The following ITPR2 variants were observed in gnomAD, a reference collection of about 807,000 sequenced individuals.
ITPR2 encodes inositol 1,4,5-trisphosphate-gated calcium channel ITPR2.
A neutral mutation model predicts 317.1 loss-of-function variants in ITPR2; 207 were observed. That is an observed-to-expected ratio of 0.65 (90% CI 0.58 to 0.73). The LOEUF (loss-of-function observed/expected upper bound fraction) is 0.73. Ranked by LOEUF, ITPR2 falls within the 30% of genes least tolerant of loss-of-function variation. ITPR2 has a pLI of 0.00. For missense variants in ITPR2, 2,613 were observed against 3,284.0 expected, an observed-to-expected ratio of 0.80 and a Z score of 4.99; for synonymous variants, 1,156 against 1,149.1, an observed-to-expected ratio of 1.01 and a Z score of -0.12.
chr12:26,540,996 C>T (rs1014506804), intron 37 of ITPR2, among the ~76,000 whole-genome samples: 8 of 151,872 alleles, frequency 5.3e-5, no homozygotes, highest in South Asian at 4.2e-4. Flanking sequence ...AACCACTTAG[C>T]GACATAGCAC....
intron 49 of ITPR2, among the ~76,000 whole-genome samples, chr12:26,427,712 T>TG (rs1941102655): frequency 1.3e-5 from 2 of 152,154 alleles, no homozygotes; most frequent in South Asian, 4.1e-4. Context: ...ACTTCTTAAA[T>TG]ATAGCAATCT....
At chr12:26,832,458 G>T (rs1951129558) in intron 1 of ITPR2, among the ~76,000 whole-genome samples, 1 of 152,256 alleles carries the variant, frequency 6.6e-6, no homozygotes, top group Non-Finnish European at 1.5e-5. Context: ...CCTTTCTGAT[G>T]TGTCTCTGAG....
At chr12:26,456,609 A>G (rs1437317996) in intron 45 of ITPR2, among the ~76,000 whole-genome samples, 3 of 152,160 alleles carry the variant, frequency 2.0e-5, no homozygotes, top group African/African-American at 7.2e-5. Flanking sequence ...ACTTGCCCCA[A>G]ATTCTTTCTT....
Position 26,617,765 on chromosome 12 carries a change from A to G in ITPR2, c.3462+3358T>C, listed in dbSNP as rs1172791900. On this transcript the variant is annotated intron_variant, in intron 26 of 56. Transcript: ENST00000381340. Reference sequence around the variant, plus strand: ...GAAGGAAGGACAGAAGGAGGGAGGGAGGGAAGGAAGGAGGGAAGGAAAGAG... The same window carrying G: ...GAAGGAAGGACAGAAGGAGGGAGGGGGGGAAGGAAGGAGGGAAGGAAAGAG... Among the ~76,000 whole-genome samples, 10 of 145,976 alleles carry G rather than the reference A, an allele frequency of 6.9e-5. No homozygotes were observed. The East Asian group carries it at 2.1e-3, about 31-fold the overall frequency.
intron 15 of ITPR2, among the ~76,000 whole-genome samples, 192 bp from the exon 16 acceptor site, chr12:26,659,477 C>T (rs934158633): frequency 9.9e-5 from 15 of 152,014 alleles, no homozygotes; most frequent in South Asian, 2.1e-4. Context: ...CTGGCATATA[C>T]GTTTTTGAAC....
intron 49 of ITPR2, chr12:26,421,347 G>C (rs1430059918): frequency 6.6e-6 from 1 of 152,144 alleles, no homozygotes; most frequent in Non-Finnish European, 1.5e-5. Context: ...TCTTGACGTG[G>C]AGTGGAGTTG....
intron 54 of ITPR2, 123 bp from the exon 55 acceptor site, chr12:26,387,717 T>A: frequency 1.2e-6 from 1 of 818,184 alleles, no homozygotes; most frequent in Non-Finnish European, 1.9e-6. Context: ...TGTGCCAATT[T>A]AAAATGCTAT....
At chr12:26,545,392 T>C (rs934565029) in intron 37 of ITPR2, among the ~76,000 whole-genome samples, 2 of 151,530 alleles carry the variant, frequency 1.3e-5, no homozygotes, top group African/African-American at 4.9e-5. Flanking sequence ...GGGCGGGAAA[T>C]AGGGAGTGGA....
intron 52 of ITPR2, among the ~76,000 whole-genome samples, chr12:26,408,940 G>T (rs1201264910): frequency 1.3e-5 from 2 of 152,088 alleles, no homozygotes; most frequent in Admixed American, 1.3e-4. Context: ...AATTAAAAGA[G>T]AAATAAATAC....
intron 4 of ITPR2, among the ~76,000 whole-genome samples, chr12:26,723,854 T>C (rs1400133929): frequency 1.3e-5 from 2 of 152,160 alleles, no homozygotes; most frequent in African/African-American, 4.8e-5. Flanking sequence ...CTGGGAACAG[T>C]TGTGCTTCTA....
At chr12:26,704,092 C>CG (rs1208117780) in intron 9 of ITPR2, among the ~76,000 whole-genome samples, 3 of 152,208 alleles carry the variant, frequency 2.0e-5, no homozygotes, top group African/African-American at 7.2e-5. Context: ...TCAATGAACT[C>CG]TAACTGCGCT....
chr12:26,579,067 T>C (rs1945336839), intron 33 of ITPR2, among the ~76,000 whole-genome samples: 1 of 152,188 alleles, frequency 6.6e-6, no homozygotes, highest in Non-Finnish European at 1.5e-5. Flanking sequence ...ATTATATTCT[T>C]AATCAGAAAA....
chr12:26,784,578 G>T (rs1186419855), intron 2 of ITPR2, among the ~76,000 whole-genome samples: 1 of 151,622 alleles, frequency 6.6e-6, no homozygotes, highest in Non-Finnish European at 1.5e-5. Context: ...TCCTAACCGC[G>T]AGTGATCCGC....
chr12:26,391,594 T>C (rs1939850705), intron 54 of ITPR2, among the ~76,000 whole-genome samples: 1 of 139,022 alleles, frequency 7.2e-6, no homozygotes, highest in Non-Finnish European at 1.5e-5. Flanking sequence ...TGACAGAGTC[T>C]TGCTCTGTCA....
intron 21 of ITPR2, among the ~76,000 whole-genome samples, chr12:26,649,730 T>C (rs1476846429): frequency 6.6e-6 from 1 of 152,064 alleles, no homozygotes; most frequent in African/African-American, 2.4e-5. Context: ...TGACCTACTT[T>C]ATTTTTCTTC....
chr12:26,817,565 T>G (rs7975263), intron 1 of ITPR2, among the ~76,000 whole-genome samples: 6,897 of 152,296 alleles, frequency 0.045, 432 homozygotes, highest in African/African-American at 0.14. Flanking sequence ...CTTTTTCTAT[T>G]CCTCCTTTTT....
At chr12:26,776,269 T>TG (rs529388549) in intron 2 of ITPR2, among the ~76,000 whole-genome samples, 2,874 of 152,240 alleles carry the variant, frequency 0.019, 33 homozygotes, top group South Asian at 0.033. Context: ...TGATTATATG[T>TG]GGAGAACCAA....
rs3064577 is a variant in ITPR2 at position 26,772,423 on chromosome 12, T to TTATATATATAA, written c.163+17733_163+17734insTTATATATATA. ...TATATAATATACACATTTATATATA[T>TTATATATATAA]TATATATAATACATGTATTATATAT... is the stretch of plus-strand genomic sequence containing the variant. On this transcript the variant is annotated intron_variant, in intron 2 of 56. Coordinates refer to ENST00000381340, the MANE Select transcript of ITPR2 (RefSeq NM_002223.4). Among the ~76,000 whole-genome samples the TTATATATATAA allele has an allele frequency of 1.6e-4, 15 of 93,962 alleles. 1 individual carries two copies. The highest frequency in any genetic ancestry group is 3.7e-4 in the Non-Finnish European group (15 of 40,438). The allele number at this position is 93,962 out of a possible 152,430, so 61.6% of individuals were successfully genotyped here.
chr12:26,451,097 C>T (rs965687964), intron 45 of ITPR2, among the ~76,000 whole-genome samples: 6 of 152,144 alleles, frequency 3.9e-5, no homozygotes, highest in African/African-American at 1.4e-4. Flanking sequence ...AAGAAAGAAG[C>T]AATGTTCATG....
Sources: allele counts gnomAD v4.1 joint callset (sites outside exome capture counted in the v4.1 genomes callset), GRCh38; gene constraint gnomAD v4.1.1; transcripts MANE v1.5; gene names NCBI Gene and HGNC (gene_info 2026-07-23, HGNC 2026-07-21).